The following ACADS variants were observed in gnomAD, a reference collection of about 807,000 sequenced individuals.
The protein encoded by ACADS is short-chain specific acyl-CoA dehydrogenase, mitochondrial.
Under a neutral mutation model 46.8 loss-of-function variants are expected in ACADS, and 28 were observed. That is an observed-to-expected ratio of 0.60 (90% CI 0.44 to 0.82). ACADS has a LOEUF of 0.82. Among genes scored for constraint, ACADS ranks in the 40% least tolerant of loss-of-function variants. The pLI is 0.00. For missense variants in ACADS, 528 were observed against 578.0 expected (o/e 0.91, Z 0.89); for synonymous variants, 236 against 237.7 (o/e 0.99, Z 0.07).
chr12:120,734,634 G>C (rs1883367661), intron 2 of ACADS, among the ~76,000 whole-genome samples: 2 of 152,100 alleles, frequency 1.3e-5, no homozygotes, highest in South Asian at 4.2e-4. Context: ...ACTAGGCTTG[G>C]TGTGGTGGCT....
At chr12:120,725,999 G>T in intron 1 of ACADS, 68 bp downstream of exon 1, 1 of 1,452,702 alleles carries the variant, frequency 6.9e-7, no homozygotes, top group Non-Finnish European at 9.1e-7. Flanking sequence ...GGAGGTCCTG[G>T]CGGCCGGCTC....
rs1883418472 is a variant in ACADS, at chr12:120,735,852, C to A, written c.211-1134C>A. Among the ~76,000 whole-genome samples, 3 of 151,840 alleles carry A rather than the reference C, an allele frequency of 2.0e-5. No homozygotes were observed. In the South Asian group the frequency reaches 6.3e-4, roughly 32 times the overall value. ...GGAAGAGGTTGCAGTGAGCCGAGAT[C>A]TGCACTACTGCACTCCAGCCTGGGC... On this transcript the variant is annotated intron_variant, in intron 2 of 9. Coordinates refer to ENST00000242592, the MANE Select transcript of ACADS (RefSeq NM_000017.4).
chr12:120,737,667 C>T (rs778557006), intron 4 of ACADS, 170 bp from the exon 5 acceptor site: 24 of 1,116,818 alleles, frequency 2.1e-5, no homozygotes, highest in Non-Finnish European at 2.8e-5. Flanking sequence ...CCAGCTCCTG[C>T]ACACCCCCCT....
intron 2 of ACADS, among the ~76,000 whole-genome samples, chr12:120,733,320 C>T (rs1313534489): frequency 4.6e-5 from 7 of 151,864 alleles, no homozygotes; most frequent in East Asian, 1.9e-4. Context: ...AGGCTGGTCT[C>T]GAACTCCTGA....
Position 120,737,475 on chromosome 12 carries a change from C to CCCTGTCCCCTCA in ACADS, c.472+16_472+27dup, listed in dbSNP as rs1471830273. 2 of 1,608,672 alleles carry CCCTGTCCCCTCA rather than the reference C, an allele frequency of 1.2e-6. No homozygotes were observed. The highest frequency in any genetic ancestry group is 1.7e-6 in the Non-Finnish European group (2 of 1,175,322). ...TTGCCCTCAGCGAACCAGGTACCTG[C>CCCTGTCCCCTCA]CCTGTCCCCTCACCTGTCCTTAGGG... On this transcript the variant is annotated intron_variant, in intron 4 of 9. Coordinates refer to ENST00000242592, the MANE Select transcript of ACADS (RefSeq NM_000017.4).
chr12:120,736,316 C>G lies in ACADS; in HGVS notation c.211-670C>G, dbSNP rs566608134. 1.4e-4 allele frequency among the ~76,000 whole-genome samples: 22 copies of G among 152,270 alleles called. No individual in the cohort carries two copies. In the East Asian group the frequency reaches 4.2e-3, roughly 29 times the overall value. On this transcript the variant is annotated intron_variant, in intron 2 of 9. Coordinates refer to ENST00000242592, the MANE Select transcript of ACADS (RefSeq NM_000017.4). ...ATGATTATTACCCAGAATTAAGAGT[C>G]CCAAGCTCTTATCCTTCATTCATTC...
In ACADS at chr12:120,727,215, C is replaced by T. The variant is rs377161554; in HGVS notation, c.210+26C>T. The T allele has an allele frequency of 8.7e-6, 14 of 1,613,792 alleles. No homozygotes were observed. In the African/African-American group the frequency reaches 1.3e-4, roughly 15 times the overall value. On this transcript the variant is annotated intron_variant, in intron 2 of 9. Transcript: ENST00000242592. The stretch of plus-strand genomic sequence containing the variant: ...GTGAGAGTGCAACCTCAGCAGCCCA[C>T]GATAGTGGTCTGCCCTCTGCTACTG...
At chr12:120,729,962 C>T (rs1201638832) in intron 2 of ACADS, among the ~76,000 whole-genome samples, 1 of 152,154 alleles carries the variant, frequency 6.6e-6, no homozygotes, top group Non-Finnish European at 1.5e-5. Flanking sequence ...TTCACAGCCA[C>T]AGGTAGATGC....
At chr12:120,739,061 T>C (rs1168849968) in intron 8 of ACADS, 79 bp from the exon 9 acceptor site, 1 of 1,604,998 alleles carries the variant, frequency 6.2e-7, no homozygotes, top group Non-Finnish European at 8.5e-7. Context: ...TCCACAGGCC[T>C]CCCCTGCTGA....
At chr12:120,738,170 G>T (rs574216749) in intron 5 of ACADS, 110 bp from the exon 6 acceptor site, 1 of 1,583,994 alleles carries the variant, frequency 6.3e-7, no homozygotes, top group African/African-American at 1.3e-5. Context: ...GGGTGTCAAG[G>T]CCTGAGCTTC....
At chr12:120,738,133 C>A (rs779410486) in intron 5 of ACADS, 145 bp downstream of exon 5, 3 of 1,567,706 alleles carry the variant, frequency 1.9e-6, no homozygotes, top group Non-Finnish European at 2.6e-6. Context: ...GCCACTGAAG[C>A]CTGCACCTTC....
At chr12:120,733,735 GT>G (rs1157712806) in intron 2 of ACADS, among the ~76,000 whole-genome samples, 1 of 150,920 alleles carries the variant, frequency 6.6e-6, no homozygotes, top group Non-Finnish European at 1.5e-5. Flanking sequence ...CTGTGGATGA[GT>G]TTCCTATTGC....
intron 8 of ACADS, 58 bp from the exon 9 acceptor site, chr12:120,739,082 G>T (rs970614348): frequency 1.9e-6 from 3 of 1,606,436 alleles, no homozygotes; most frequent in East Asian, 4.5e-5. Flanking sequence ...GGGAGTGGGG[G>T]AGCAGGGGAT....
At chr12:120,734,046 G>A (rs1323175431) in intron 2 of ACADS, among the ~76,000 whole-genome samples, 4 of 152,018 alleles carry the variant, frequency 2.6e-5, no homozygotes, top group African/African-American at 9.7e-5. Context: ...TCTAGAGGCC[G>A]CCTGCATTCT....
Position 120,738,641 on chromosome 12 carries a change from G to T in ACADS, c.904G>T (p.Ala302Ser). Residue 302 changes from alanine to serine, a missense_variant, in exon 7 of 10, where the codon GCG becomes TCG. Ala to Ser is a moderately conservative substitution (Grantham distance 99, BLOSUM62 1). Coordinates refer to ENST00000242592, the MANE Select transcript of ACADS (RefSeq NM_000017.4). ...NYAENRMAFGAPLTKLQVIQF... is the reference protein window; with the variant it reads ...NYAENRMAFGSPLTKLQVIQF... ...CGCTGAGAATCGCATGGCCTTCGGG[G>T]CGCCCCTCACCAAGCTCCAGGTCAT... 3 of 1,612,760 alleles carry T rather than the reference G, an allele frequency of 1.9e-6. No homozygotes were observed. Among genetic ancestry groups the T allele is most frequent in the Non-Finnish European group, 2.5e-6 (3 of 1,180,026 alleles).
At chr12:120,726,783 G>A (rs1248855651) in intron 1 of ACADS, among the ~76,000 whole-genome samples, 2 of 152,194 alleles carry the variant, frequency 1.3e-5, no homozygotes, top group African/African-American at 4.8e-5. Context: ...GACATTTTGG[G>A]CTGACAGTTC....
In ACADS at chr12:120,737,381, A is replaced by C. The variant is rs1883486741; in HGVS notation, c.386A>C (p.Lys129Thr). Residue 129 changes from lysine to threonine, a missense_variant, in exon 4 of 10, where the codon AAG (lysine) becomes ACG (threonine). Coordinates refer to ENST00000242592, the MANE Select transcript of ACADS (RefSeq NM_000017.4). ...TCTCTCTACCTGGGGCCCATCTTGA[A>C]GTTTGGCTCCAAGGAGCAGAAGCAG... ...NNSLYLGPIL[K>T]FGSKEQKQAW... The C allele has an allele frequency of 2.5e-6, 4 of 1,614,114 alleles. No homozygotes were observed. Among genetic ancestry groups the C allele is most frequent in the Middle Eastern group, 3.3e-4 (2 of 6,062 alleles).
chr12:120,735,933 T>C (rs1883421992), intron 2 of ACADS, among the ~76,000 whole-genome samples: 1 of 151,618 alleles, frequency 6.6e-6, no homozygotes, highest in African/African-American at 2.4e-5. Context: ...TAAAATAACA[T>C]GTTTGCAGGA....
At chr12:120,727,296 A>G in intron 2 of ACADS, 107 bp downstream of exon 2, 1 of 1,450,626 alleles carries the variant, frequency 6.9e-7, no homozygotes, top group Non-Finnish European at 9.7e-7. Context: ...AGGAACCCCA[A>G]AGCAGGGCCT....
Sources: allele counts gnomAD v4.1 joint callset (sites outside exome capture counted in the v4.1 genomes callset), GRCh38; gene constraint gnomAD v4.1.1; transcripts MANE v1.5; gene names NCBI Gene and HGNC (gene_info 2026-07-23, HGNC 2026-07-21).